The following TTC23L variants were observed in gnomAD, a reference collection of about 807,000 sequenced individuals.
TTC23L encodes the protein tetratricopeptide repeat protein 23-like.
A neutral mutation model predicts 48.1 loss-of-function variants in TTC23L; 42 were observed. The ratio of observed to expected loss-of-function variants is 0.87; its 90% CI spans 0.68 to 1.13. The LOEUF (loss-of-function observed/expected upper bound fraction) is 1.13. TTC23L is among the 50% of genes most tolerant of loss of function. The pLI is 0.00. For missense variants in TTC23L, 391 were observed against 421.0 expected (o/e 0.93, Z 0.62); for synonymous variants, 159 against 157.2 (o/e 1.01, Z -0.09).
chr5:34,853,302 G>C (rs1428271118), intron 4 of TTC23L, among the ~76,000 whole-genome samples: 1 of 152,126 alleles, frequency 6.6e-6, no homozygotes, highest in African/African-American at 2.4e-5. Flanking sequence ...AGGCTGAGGT[G>C]AGTGGATCAC....
chr5:34,855,162 G>C (rs201706608), intron 4 of TTC23L, among the ~76,000 whole-genome samples: 2 of 47,688 alleles, frequency 4.2e-5, no homozygotes, highest in Non-Finnish European at 4.0e-5. Flanking sequence ...AAAGGAGAAG[G>C]GTACATTGGG....
chr5:34,891,968 G>A (rs1473315278), intron 9 of TTC23L, among the ~76,000 whole-genome samples: 2 of 152,118 alleles, frequency 1.3e-5, no homozygotes, highest in Non-Finnish European at 2.9e-5. Flanking sequence ...GTCCATATAA[G>A]GGGAAAAGAA....
intron 9 of TTC23L, among the ~76,000 whole-genome samples, chr5:34,895,793 T>C (rs182440786): frequency 6.6e-6 from 1 of 152,200 alleles, no homozygotes; most frequent in Admixed American, 6.5e-5. Flanking sequence ...GGAGGTGATA[T>C]GCTGCAGTAC....
chr5:34,862,995 C>T, exon 5 of TTC23L: 1 of 1,613,982 alleles, frequency 6.2e-7, no homozygotes, highest in Non-Finnish European at 8.5e-7. Flanking sequence ...AAGAGGAAAT[C>T]CTGGAAGCTC....
chr5:34,922,787 G>T, the TTC23L span: 25 of 1,605,006 alleles, frequency 1.6e-5, no homozygotes, highest in East Asian at 5.6e-4. Context: ...CTCATTCAGT[G>T]TATGAGGTCT....
chr5:34,925,288 T>C, the TTC23L span: 54 of 1,612,900 alleles, frequency 3.3e-5, no homozygotes, highest in Non-Finnish European at 4.4e-5. Flanking sequence ...AAGTGAAAGA[T>C]GTGCAAAAAC....
chr5:34,867,134 C>T (rs1202902153), intron 7 of TTC23L, 65 bp downstream of exon 7: 3 of 1,502,552 alleles, frequency 2.0e-6, no homozygotes, highest in Non-Finnish European at 2.7e-6. Flanking sequence ...GTTCTCAGGG[C>T]CAGGGAAGCA....
the TTC23L span, chr5:34,923,072 C>G: frequency 6.4e-7 from 1 of 1,567,004 alleles, no homozygotes; most frequent in African/African-American, 1.4e-5. Flanking sequence ...TTAAAATTAG[C>G]TATCCAAAAT....
intron 4 of TTC23L, among the ~76,000 whole-genome samples, chr5:34,859,844 T>C (rs1410793576): frequency 2.4e-4 from 26 of 108,936 alleles, no homozygotes; most frequent in East Asian, 1.9e-3. Flanking sequence ...CTTCTTCTTT[T>C]TTTTTTTTTT....
the TTC23L span, chr5:34,921,501 G>A: frequency 6.6e-6 from 1 of 152,192 alleles, no homozygotes; most frequent in African/African-American, 2.4e-5. Context: ...TCATAAGATT[G>A]GCTAAGAAGA....
intron 2 of TTC23L, among the ~76,000 whole-genome samples, chr5:34,844,140 A>G (rs1338266546): frequency 6.6e-6 from 1 of 152,198 alleles, no homozygotes; most frequent in Non-Finnish European, 1.5e-5. Flanking sequence ...GAGAAAAGGA[A>G]GTTCATCACC....
the TTC23L span, chr5:34,924,996 G>A: frequency 6.2e-7 from 1 of 1,610,108 alleles, no homozygotes. Flanking sequence ...GTGTCATTCA[G>A]TAGTCTTCAA....
At chr5:34,908,851 A>G in the TTC23L span, 1 of 1,611,942 alleles carries the variant, frequency 6.2e-7, no homozygotes, top group Non-Finnish European at 8.5e-7. Context: ...CTAATCATAT[A>G]CTGTAATGAA....
At chr5:34,882,056 T>C (rs1414514287) in intron 9 of TTC23L, among the ~76,000 whole-genome samples, 1 of 152,120 alleles carries the variant, frequency 6.6e-6, no homozygotes, top group Non-Finnish European at 1.5e-5. Context: ...ACCCGGCCGG[T>C]TCAGAAGATT....
At chr5:34,866,840 G>A (rs1761082479) in intron 6 of TTC23L, 52 bp from the exon 7 acceptor site, 4 of 1,476,766 alleles carry the variant, frequency 2.7e-6, no homozygotes, top group Non-Finnish European at 3.6e-6. Flanking sequence ...TTTTGTGTCT[G>A]CAAAGTAAGT....
At chr5:34,890,721 G>C (rs1402299499) in intron 9 of TTC23L, among the ~76,000 whole-genome samples, 2 of 152,156 alleles carry the variant, frequency 1.3e-5, no homozygotes, top group Non-Finnish European at 2.9e-5. Context: ...GGGTCTCTCT[G>C]ACTCCAGGAT....
At chr5:34,872,299 G>T (rs1761522949) in intron 8 of TTC23L, among the ~76,000 whole-genome samples, 1 of 151,948 alleles carries the variant, frequency 6.6e-6, no homozygotes, top group African/African-American at 2.4e-5. Flanking sequence ...AAAATAATAA[G>T]ACCAAAATTC....
In TTC23L at chr5:34,882,618, T is replaced by TACACACACACACACACAC. The variant is rs146120966; in HGVS notation, c.1077+2334_1077+2351dup. On this transcript the variant is annotated intron_variant, in intron 9 of 10. Coordinates refer to ENST00000505624, the Ensembl canonical transcript of TTC23L. ...AGACTTGGGAATTGTTCCCATGGAC[T>TACACACACACACACACAC]ACACACACACACACACACACACACA... 7.3e-3 allele frequency among the ~76,000 whole-genome samples: 1,029 copies of TACACACACACACACACAC among 140,934 alleles called. 16 individuals are homozygous for TACACACACACACACACAC. Among genetic ancestry groups the TACACACACACACACACAC allele is most frequent in the South Asian group, 0.019 (77 of 3,994 alleles). 92.5% of individuals were successfully genotyped at this position (140,934 alleles called of 152,430 possible). A position where few individuals can be genotyped will look rare whatever the true frequency, so the allele number is the denominator to read the frequency against.
downstream of TTC23L, among the ~76,000 whole-genome samples, chr5:34,900,965 G>A (rs1763494978): frequency 6.6e-6 from 1 of 152,172 alleles, no homozygotes; most frequent in Non-Finnish European, 1.5e-5. Context: ...ACTCCAGTTG[G>A]TTTTATGTGG....
Sources: gnomAD v4.1 joint callset for allele counts (sites outside exome capture counted in the v4.1 genomes callset) on GRCh38, gnomAD v4.1.1 for gene constraint, MANE v1.5 for transcripts, NCBI Gene and HGNC (gene_info 2026-07-23, HGNC 2026-07-21) for gene names.